Variants in RIPOR2 observed in about 807,000 individuals in gnomAD.
RIPOR2 encodes RHO family interacting cell polarization regulator 2.
In RIPOR2, 39 loss-of-function variants were observed where a neutral mutation model predicts 114.5. That is an observed-to-expected ratio of 0.34 (90% CI 0.26 to 0.44). RIPOR2 has a LOEUF of 0.44. Ranked by LOEUF, RIPOR2 falls within the 20% of genes least tolerant of loss-of-function variation. The probability of loss-of-function intolerance (pLI) is 1.00; values close to 1 mark genes in which losing one functional copy is unlikely to be tolerated. For synonymous variants in RIPOR2, 445 were observed against 484.4 expected (o/e 0.92, Z 1.07); for missense variants, 1,007 against 1,255.1 (o/e 0.80, Z 2.99).
At chr6:24,957,364 A>AAGTTACTTAACCTCTTGATGCTTTTC (rs2114214116) in intron 1 of RIPOR2, among the ~76,000 whole-genome samples, 1 of 152,328 alleles carries the variant, frequency 6.6e-6, no homozygotes, top group South Asian at 2.1e-4. Context: ...CATATGAGGC[A>AAGTTACTTAACCTCTTGATGCTTTTC]ATAAAGCATC....
intron 1 of RIPOR2, among the ~76,000 whole-genome samples, chr6:24,927,465 A>T (rs890343231): frequency 1.3e-5 from 2 of 152,042 alleles, no homozygotes; most frequent in East Asian, 3.9e-4. Context: ...CATCATAATC[A>T]TCATCACCAT....
chr6:25,038,491 G>A (rs921591234), intron 1 of RIPOR2, among the ~76,000 whole-genome samples: 4 of 152,242 alleles, frequency 2.6e-5, no homozygotes, highest in Admixed American at 6.5e-5. Context: ...GCCCTTTAAA[G>A]AAGAGTCTAT....
chr6:24,811,007 G>A (rs964567584), intron 20 of RIPOR2, among the ~76,000 whole-genome samples: 18 of 151,258 alleles, frequency 1.2e-4, no homozygotes, highest in Middle Eastern at 6.8e-3. Flanking sequence ...GTTTCACCAT[G>A]TTGGCCAGGC....
chr6:24,977,867 T>C (rs963729495), intron 1 of RIPOR2, among the ~76,000 whole-genome samples: 3 of 152,220 alleles, frequency 2.0e-5, no homozygotes, highest in Non-Finnish European at 4.4e-5. Context: ...TGTATTCATC[T>C]AAAGCTGTGA....
intron 1 of RIPOR2, chr6:25,041,713 AACGG>A: frequency 1.7e-6 from 1 of 594,270 alleles, no homozygotes; most frequent in South Asian, 2.0e-5. Context: ...TCCATTGGAA[AACGG>A]AGCACAGGAA....
At chr6:24,912,259 A>C (rs918916001) in intron 1 of RIPOR2, among the ~76,000 whole-genome samples, 6 of 152,298 alleles carry the variant, frequency 3.9e-5, no homozygotes, top group Admixed American at 2.6e-4. Context: ...CCATAGCTAC[A>C]TATTGAATGA....
intron 12 of RIPOR2, among the ~76,000 whole-genome samples, chr6:24,845,780 C>A (rs543115671): frequency 6.6e-6 from 1 of 152,208 alleles, no homozygotes; most frequent in East Asian, 1.9e-4. Flanking sequence ...GTGGCTGCTG[C>A]CTGTGAAAGA....
intron 1 of RIPOR2, among the ~76,000 whole-genome samples, chr6:24,906,143 C>T (rs1481566362): frequency 6.6e-6 from 1 of 152,160 alleles, no homozygotes; most frequent in East Asian, 1.9e-4. Flanking sequence ...TCTTATCTGA[C>T]CTTCCTTGCA....
intron 12 of RIPOR2, among the ~76,000 whole-genome samples, chr6:24,847,286 A>G (rs1762407570): frequency 6.6e-6 from 1 of 152,224 alleles, no homozygotes; most frequent in Non-Finnish European, 1.5e-5. Flanking sequence ...AAACTTGTTT[A>G]AAATCTTGTT....
In RIPOR2 at chr6:24,869,096, T is replaced by G. The variant is rs915922029; in HGVS notation, c.499A>C (p.Lys167Gln). 2 of 1,556,054 alleles carry G rather than the reference T, an allele frequency of 1.3e-6. No homozygotes were observed. The highest frequency in any genetic ancestry group is 1.4e-5 in the African/African-American group (1 of 72,880). The change falls in exon 6 of 22, where the codon AAG becomes CAG. Residue 167 changes from lysine (K) to glutamine (Q), a missense_variant and splice_region_variant. Coordinates refer to ENST00000643898, the MANE Select transcript of RIPOR2 (RefSeq NM_001286445.3). ...YMRRLEFHIS[K>Q]VDELYEAYCI... ...ATGAGAACAGGAATTTCAGTTACCT[T>G]ACTTATATGAAACTCCAGGCGTCTC... is the stretch of plus-strand genomic sequence containing the variant.
intron 1 of RIPOR2, among the ~76,000 whole-genome samples, chr6:24,909,067 A>G (rs1581773976): frequency 6.6e-6 from 1 of 152,348 alleles, no homozygotes; most frequent in Admixed American, 6.5e-5. Context: ...AGATTCTCCA[A>G]TGTTCAAGTT....
At chr6:25,035,653 T>A (rs542543122) in intron 1 of RIPOR2, among the ~76,000 whole-genome samples, 95 of 152,100 alleles carry the variant, frequency 6.2e-4, no homozygotes, top group African/African-American at 2.1e-3. Flanking sequence ...GGGAGAAACA[T>A]GAGTGTGGTC....
At chr6:24,889,217 G>T (rs1311609875) in intron 1 of RIPOR2, among the ~76,000 whole-genome samples, 1 of 152,148 alleles carries the variant, frequency 6.6e-6, no homozygotes, top group Admixed American at 6.5e-5. Context: ...CAGTAACTTT[G>T]CTTTTTTCTA....
chr6:24,820,480 A>T (rs1169408525), intron 19 of RIPOR2, among the ~76,000 whole-genome samples: 1 of 152,236 alleles, frequency 6.6e-6, no homozygotes, highest in Non-Finnish European at 1.5e-5. Flanking sequence ...GAATATTTTC[A>T]TTACCCCAAA....
chr6:24,910,966 G>T, intron 1 of RIPOR2: 2 of 985,324 alleles, frequency 2.0e-6, no homozygotes, highest in Non-Finnish European at 2.4e-6. Flanking sequence ...AGGGGACCCC[G>T]GGAGGAAGTC....
At chr6:24,869,065 CA>C in intron 6 of RIPOR2, 28 bp downstream of exon 6, 1 of 1,374,078 alleles carries the variant, frequency 7.3e-7, no homozygotes, top group Admixed American at 1.9e-5. Context: ...AACTGAAAAA[CA>C]GGCAATGAGA....
chr6:24,838,197 C>T (rs1761283606), intron 14 of RIPOR2, among the ~76,000 whole-genome samples: 1 of 152,146 alleles, frequency 6.6e-6, no homozygotes, highest in African/African-American at 2.4e-5. Flanking sequence ...CATGCAGTAC[C>T]AGTGGCAGTC....
At chr6:25,024,344 T>C (rs1200301415) in intron 1 of RIPOR2, 2 of 1,440,320 alleles carry the variant, frequency 1.4e-6, no homozygotes, top group Non-Finnish European at 1.9e-6. Context: ...TCTTCCTGGC[T>C]TCCTCGAAGT....
At chr6:24,818,673 G>T in intron 19 of RIPOR2, 48 bp from the exon 20 acceptor site, 3 of 1,232,902 alleles carry the variant, frequency 2.4e-6, no homozygotes, top group Non-Finnish European at 3.5e-6. Flanking sequence ...TTTGTTCGTA[G>T]TTTAAGAGGT....
Sources: gnomAD v4.1 joint callset for allele counts (sites outside exome capture counted in the v4.1 genomes callset) on GRCh38, gnomAD v4.1.1 for gene constraint, MANE v1.5 for transcripts, NCBI Gene and HGNC (gene_info 2026-07-23, HGNC 2026-07-21) for gene names.